BMERB1: variants seen among roughly 807,000 people sequenced by gnomAD.
The protein encoded by BMERB1 is bMERB domain-containing protein 1.
Under a neutral mutation model 23.6 loss-of-function variants are expected in BMERB1, and 12 were observed. That is an observed-to-expected ratio of 0.51 (90% CI 0.33 to 0.82). The LOEUF (loss-of-function observed/expected upper bound fraction) is 0.82. BMERB1 is among the 40% of genes least tolerant of loss of function. BMERB1 has a pLI of 0.03. For missense variants in BMERB1, 247 were observed against 255.4 expected, an observed-to-expected ratio of 0.97 and a Z score of 0.22; for synonymous variants, 122 against 96.6, an observed-to-expected ratio of 1.26 and a Z score of -1.54.
At chr16:15,546,160 C>T (rs1007291835) in intron 2 of BMERB1, among the ~76,000 whole-genome samples, 1 of 152,082 alleles carries the variant, frequency 6.6e-6, no homozygotes, top group Non-Finnish European at 1.5e-5. Flanking sequence ...TGCTAGGGCA[C>T]GCCTGTATTT....
intron 1 of BMERB1, among the ~76,000 whole-genome samples, chr16:15,466,982 A>G (rs761325906): frequency 2.6e-5 from 4 of 152,276 alleles, no homozygotes; most frequent in African/African-American, 9.6e-5. Flanking sequence ...TTTTTCACTC[A>G]CCGTAATTCT....
At chr16:15,494,877 C>CTTTTTTT (rs754135430) in intron 1 of BMERB1, among the ~76,000 whole-genome samples, 40 of 95,158 alleles carry the variant, frequency 4.2e-4, no homozygotes, top group Non-Finnish European at 5.3e-4. Context: ...TTTTTTTTAT[C>CTTTTTTT]TTTTTTTTTT....
At chr16:15,466,469 C>T (rs2051181596) in intron 1 of BMERB1, among the ~76,000 whole-genome samples, 1 of 151,434 alleles carries the variant, frequency 6.6e-6, no homozygotes, top group Admixed American at 6.6e-5. Flanking sequence ...ATTTTGTTCC[C>T]GATTGTTTTG....
Position 15,588,003 on chromosome 16 carries a change from A to C in BMERB1, c.*1174A>C, listed in dbSNP as rs2031195953. 1 of 152,456 alleles carries C rather than the reference A, an allele frequency of 6.6e-6. No individual in the cohort carries two copies. The highest frequency in any genetic ancestry group is 1.9e-4 in the East Asian group (1 of 5,200). 9.4% of individuals were successfully genotyped at this position (152,456 alleles called of 1,614,324 possible). On this transcript the variant is annotated 3_prime_UTR_variant, in exon 6 of 6. Coordinates refer to ENST00000300006, the MANE Select transcript of BMERB1 (RefSeq NM_033201.3). Reference sequence around the variant, plus strand: ...TACTTTTTTTCTTGATTATGGAAGTAATCCATGTACATAGTAAATCATTTT... The same window carrying C: ...TACTTTTTTTCTTGATTATGGAAGTCATCCATGTACATAGTAAATCATTTT...
At chr16:15,502,659 T>C (rs560406851) in intron 1 of BMERB1, among the ~76,000 whole-genome samples, 8 of 152,236 alleles carry the variant, frequency 5.3e-5, no homozygotes, top group Non-Finnish European at 1.2e-4. Flanking sequence ...GCCTTTGAAA[T>C]GCATTCAGAT....
At chr16:15,481,144 C>T (rs913252805) in intron 1 of BMERB1, among the ~76,000 whole-genome samples, 2 of 151,858 alleles carry the variant, frequency 1.3e-5, no homozygotes, top group Non-Finnish European at 2.9e-5. Context: ...GAATGGTCTT[C>T]AAGATATTAA....
chr16:15,532,692 C>T (rs1014361116), intron 2 of BMERB1, among the ~76,000 whole-genome samples: 9 of 151,910 alleles, frequency 5.9e-5, no homozygotes, highest in Non-Finnish European at 1.2e-4. Context: ...ACTATAGGCA[C>T]CTGCCACCAT....
intron 1 of BMERB1, chr16:15,502,195 A>G (rs2150943639): frequency 1.7e-6 from 2 of 1,182,194 alleles, no homozygotes; most frequent in East Asian, 5.1e-5. Context: ...GTCCTTTGAC[A>G]CGTCAGATGT....
At chr16:15,523,999 G>T (rs1038884484) in intron 2 of BMERB1, among the ~76,000 whole-genome samples, 1 of 152,080 alleles carries the variant, frequency 6.6e-6, no homozygotes, top group East Asian at 1.9e-4. Context: ...ATTTTATTAT[G>T]ATGATTATTT....
At chr16:15,537,358 AT>A (rs113207342) in intron 2 of BMERB1, among the ~76,000 whole-genome samples, 43,330 of 146,788 alleles carry the variant, frequency 0.3, 7,053 homozygotes, top group Middle Eastern at 0.44. Flanking sequence ...CTTATTCTTA[AT>A]TTTTTTTTTT....
In BMERB1 at chr16:15,529,269, G is replaced by T. The variant is rs572049287; in HGVS notation, c.230+13841G>T. 4.6e-5 allele frequency among the ~76,000 whole-genome samples: 7 copies of T among 152,128 alleles called. No homozygotes were observed. In the South Asian group the frequency reaches 8.3e-4, roughly 18 times the overall value. ...TCTTGATCTCCTGACCTCGTGATCC[G>T]CCTGCCTCGGCCTCCCAACGTGCTG... On this transcript the variant is annotated intron_variant, in intron 2 of 5. Transcript: ENST00000300006.
chr16:15,495,993 G>A (rs1374045886), intron 1 of BMERB1, among the ~76,000 whole-genome samples: 1 of 151,860 alleles, frequency 6.6e-6, no homozygotes, highest in Non-Finnish European at 1.5e-5. Flanking sequence ...TAGTGATGTT[G>A]ATGGTGGTGG....
chr16:15,491,662 T>G (rs1353276739), intron 1 of BMERB1, among the ~76,000 whole-genome samples: 1 of 152,118 alleles, frequency 6.6e-6, no homozygotes, highest in East Asian at 1.9e-4. Context: ...CTCTTTCTTT[T>G]AGAGACAGGA....
chr16:15,571,767 GT>G (rs2030733004), intron 3 of BMERB1, among the ~76,000 whole-genome samples: 1 of 151,862 alleles, frequency 6.6e-6, no homozygotes. Context: ...ATCCTAACAG[GT>G]AGGGGACTAA....
At chr16:15,548,965 A>C (rs1055795744) in intron 2 of BMERB1, among the ~76,000 whole-genome samples, 1 of 152,058 alleles carries the variant, frequency 6.6e-6, no homozygotes, top group African/African-American at 2.4e-5. Flanking sequence ...GGGTGGGAAG[A>C]GGGCAGGGGA....
intron 2 of BMERB1, among the ~76,000 whole-genome samples, chr16:15,527,641 C>T (rs745939033): frequency 3.9e-5 from 6 of 151,994 alleles, no homozygotes; most frequent in South Asian, 2.1e-4. Flanking sequence ...TGGAATCACA[C>T]GGTATTTTTC....
intron 3 of BMERB1, among the ~76,000 whole-genome samples, chr16:15,573,023 C>T (rs1316353618): frequency 4.6e-5 from 7 of 152,188 alleles, no homozygotes. Context: ...GTCCATTAAA[C>T]CTCTTTTTCT....
intron 2 of BMERB1, among the ~76,000 whole-genome samples, chr16:15,525,261 A>G (rs1405115161): frequency 1.3e-5 from 2 of 152,058 alleles, no homozygotes; most frequent in Non-Finnish European, 2.9e-5. Context: ...TTTGAACGCA[A>G]ACTGAAACAT....
At chr16:15,500,027 G>A (rs1392076773) in intron 1 of BMERB1, among the ~76,000 whole-genome samples, 1 of 152,208 alleles carries the variant, frequency 6.6e-6, no homozygotes, top group Non-Finnish European at 1.5e-5. Context: ...TGGAAATTGA[G>A]TGAGGGGGGT....
Sources: gnomAD v4.1 joint callset for allele counts (sites outside exome capture counted in the v4.1 genomes callset) on GRCh38, gnomAD v4.1.1 for gene constraint, MANE v1.5 for transcripts, NCBI Gene and HGNC (gene_info 2026-07-23, HGNC 2026-07-21) for gene names.